The following OAS2 variants were observed in gnomAD, a reference collection of about 807,000 sequenced individuals.
The protein encoded by OAS2 is 2'-5'-oligoadenylate synthetase 2.
OAS2 carries 67 observed loss-of-function variants against 71.3 expected under a neutral mutation model. The ratio of observed to expected loss-of-function variants is 0.94; its 90% CI spans 0.77 to 1.15. The LOEUF (loss-of-function observed/expected upper bound fraction) is 1.15, where lower values mean the gene tolerates loss of function less well. Ranked by LOEUF, OAS2 falls within the 50% of genes most tolerant of loss-of-function variation. OAS2 has a pLI of 0.00. For synonymous variants in OAS2, 327 were observed against 321.8 expected (o/e 1.02, Z -0.17); for missense variants, 789 against 822.5 (o/e 0.96, Z 0.50).
chr12:112,993,324 C>T (rs774162771), intron 2 of OAS2, among the ~76,000 whole-genome samples: 6 of 152,176 alleles, frequency 3.9e-5, no homozygotes, highest in Non-Finnish European at 8.8e-5. Context: ...TTTCCATTAT[C>T]CTCATCTGTA....
chr12:112,987,049 T>C lies in OAS2; in HGVS notation c.189T>C (p.Tyr63=), dbSNP rs772250968. ...LVQGVAIGGS[Y]GRKTVLRGNS... ...TTTGTCACTGGCAGGGTGGCTCCTA[T>C]GGACGGAAAACAGTCTTAAGAGGCA... Residue 63 remains tyrosine, a synonymous_variant, in exon 2 of 10, where the codon TAT becomes TAC. Coordinates refer to ENST00000392583, the MANE Select transcript of OAS2 (RefSeq NM_002535.3). The C allele has an allele frequency of 7.5e-6, 12 of 1,609,848 alleles. No individual in the cohort carries two copies. Among genetic ancestry groups the C allele is most frequent in the Non-Finnish European group, 1.0e-5 (12 of 1,176,600 alleles).
chr12:113,007,603 C>G, intron 8 of OAS2, 102 bp from the exon 9 acceptor site: 3 of 926,184 alleles, frequency 3.2e-6, no homozygotes, highest in Middle Eastern at 6.5e-4. Flanking sequence ...TGTGAGCACA[C>G]CAGCACGACA....
chr12:112,985,207 G>A (rs985966542), intron 1 of OAS2, among the ~76,000 whole-genome samples: 6 of 150,638 alleles, frequency 4.0e-5, no homozygotes, highest in African/African-American at 1.2e-4. Context: ...GTAAGACATG[G>A]GACGTTTTCA....
intron 9 of OAS2, 98 bp from the exon 10 acceptor site, chr12:113,008,989 A>C: frequency 6.6e-7 from 1 of 1,521,610 alleles, no homozygotes; most frequent in Non-Finnish European, 8.8e-7. Context: ...AGCTGTAAGA[A>C]CACATTGTCT....
chr12:112,984,668 C>A (rs1242181274), intron 1 of OAS2, among the ~76,000 whole-genome samples: 1 of 152,128 alleles, frequency 6.6e-6, no homozygotes, highest in Non-Finnish European at 1.5e-5. Context: ...TATTGCCTAC[C>A]TTTCCAATTG....
chr12:113,009,068 C>T lies in OAS2; in HGVS notation c.1896-19C>T, dbSNP rs370135245. On this transcript the variant is annotated intron_variant, in intron 9 of 9. Coordinates refer to ENST00000392583, the MANE Select transcript of OAS2 (RefSeq NM_002535.3). ...ACTGGGATTTGGAATCTCCTAATGCCTTCTAACCTCTCATTCAGGCCTGTG... is the reference window on the plus strand; with the variant it reads ...ACTGGGATTTGGAATCTCCTAATGCTTTCTAACCTCTCATTCAGGCCTGTG... 4 of 1,610,102 alleles carry T rather than the reference C, an allele frequency of 2.5e-6. No homozygotes were observed. Among genetic ancestry groups the T allele is most frequent in the Non-Finnish European group, 3.4e-6 (4 of 1,178,842 alleles).
At chr12:112,994,232 C>T (rs1008714810) in intron 2 of OAS2, among the ~76,000 whole-genome samples, 1 of 152,062 alleles carries the variant, frequency 6.6e-6, no homozygotes, top group Non-Finnish European at 1.5e-5. Flanking sequence ...TATATAGAAC[C>T]CTAACTTTAG....
chr12:112,996,779 T>C (rs1238941201), intron 3 of OAS2, among the ~76,000 whole-genome samples: 1 of 152,096 alleles, frequency 6.6e-6, no homozygotes, highest in Admixed American at 6.6e-5. Context: ...AGGAGGAGGA[T>C]GGGTGGCGCT....
chr12:112,978,570 C>T lies in OAS2; in HGVS notation c.-39C>T, dbSNP rs575526400. On this transcript the variant is annotated 5_prime_UTR_variant, in exon 1 of 10. Coordinates refer to ENST00000392583, the MANE Select transcript of OAS2 (RefSeq NM_002535.3). This position sits in a 1 kb window ranked among gnomAD's most constrained non-coding sequence, Gnocchi z 4.2. ...CAGCAAGAATTCCTCTGCCTCCCAT[C>T]CTACCATTCACTGTCTTGCCGGCAG... The T allele has an allele frequency of 1.2e-5, 20 of 1,609,694 alleles. No individual in the cohort carries two copies. The highest frequency in any genetic ancestry group is 5.0e-5 in the Admixed American group (3 of 59,678).
chr12:113,003,071 G>T lies in OAS2; in HGVS notation c.1148G>T (p.Arg383Leu). 1.2e-6 allele frequency: 2 copies of T among 1,614,092 alleles called. No individual in the cohort carries two copies. The highest frequency in any genetic ancestry group is 2.2e-5 in the South Asian group (2 of 91,062). Reference sequence around the variant, plus strand: ...ACATTCCTTAAAGAAAACTGCTTCCGACAATCAACAGCCAAGATCCAGATT... The same window carrying T: ...ACATTCCTTAAAGAAAACTGCTTCCTACAATCAACAGCCAAGATCCAGATT... ...IRTFLKENCF[R>L]QSTAKIQIVR... The change falls in exon 6 of 10, where the codon CGA (arginine) becomes CTA (leucine). Residue 383 changes from arginine to leucine, a missense_variant. Arg to Leu is a moderately radical substitution (Grantham distance 102). Transcript: ENST00000392583.
chr12:113,003,477 G>T (rs1419218454), intron 6 of OAS2, among the ~76,000 whole-genome samples: 2 of 152,138 alleles, frequency 1.3e-5, no homozygotes, highest in Non-Finnish European at 2.9e-5. Context: ...GATCCAGAAT[G>T]ATCTCATCTC....
intron 1 of OAS2, among the ~76,000 whole-genome samples, chr12:112,986,353 G>T (rs1386763880): frequency 6.6e-6 from 1 of 152,156 alleles, no homozygotes; most frequent in East Asian, 1.9e-4. Context: ...TAGCAGCAGT[G>T]GACTGAACAG....
rs538631983 is a variant in OAS2 at position 112,991,010 on chromosome 12, A to C, written c.448+3702A>C. ...AAGGATAAGGATCAAACTCCTCAGC[A>C]GGACAGGACTTTGATGATCTGGCAG... On this transcript the variant is annotated intron_variant, in intron 2 of 9. Transcript: ENST00000392583. Among the ~76,000 whole-genome samples, 214 of 152,302 alleles carry C rather than the reference A, an allele frequency of 1.4e-3. 1 individual carries two copies. Among genetic ancestry groups the C allele is most frequent in the African/African-American group, 4.7e-3 (197 of 41,568 alleles).
chr12:113,007,588 C>T (rs57652455), intron 8 of OAS2, 117 bp from the exon 9 acceptor site: 63,672 of 796,066 alleles, frequency 0.08, 3,485 homozygotes, highest in African/African-American at 0.21. Flanking sequence ...ATCCAAGCTG[C>T]AGAGTGTGAG....
At chr12:113,007,628 C>A in intron 8 of OAS2, 77 bp from the exon 9 acceptor site, 1 of 1,178,686 alleles carries the variant, frequency 8.5e-7, no homozygotes, top group Non-Finnish European at 1.2e-6. Context: ...GACTCAGTTG[C>A]CTTGCTGTGG....
chr12:112,994,418 ATTTTATTTTTAT>A (rs2044218290), intron 2 of OAS2, among the ~76,000 whole-genome samples: 1 of 152,022 alleles, frequency 6.6e-6, no homozygotes, highest in African/African-American at 2.4e-5. Context: ...AAATGTGTTT[ATTTTATTTTTAT>A]TTTTATTTTG....
chr12:112,979,340 G>A (rs2044057975), intron 1 of OAS2, among the ~76,000 whole-genome samples: 1 of 152,132 alleles, frequency 6.6e-6, no homozygotes, highest in Admixed American at 6.5e-5. Flanking sequence ...CCTAGAATTG[G>A]GGGCGTGGGG....
At chr12:112,982,055 A>G (rs2044087710) in intron 1 of OAS2, among the ~76,000 whole-genome samples, 1 of 151,688 alleles carries the variant, frequency 6.6e-6, no homozygotes, top group Non-Finnish European at 1.5e-5. Context: ...TTGGTATGGT[A>G]TGTTGATTTT....
intron 3 of OAS2, among the ~76,000 whole-genome samples, chr12:112,996,371 CATAT>C (rs1430063705): frequency 6.6e-6 from 1 of 152,106 alleles, no homozygotes; most frequent in African/African-American, 2.4e-5. Context: ...ATGTTGTGTA[CATAT>C]ATGCGTGTAA....
Sources: gnomAD v4.1 joint callset for allele counts (sites outside exome capture counted in the v4.1 genomes callset) on GRCh38, gnomAD v4.1.1 for gene constraint, Gnocchi (gnomAD v3.1) non-coding constraint, MANE v1.5 for transcripts, NCBI Gene and HGNC (gene_info 2026-07-23, HGNC 2026-07-21) for gene names.